GDPD4: variants seen among roughly 807,000 people sequenced by gnomAD.
The protein encoded by GDPD4 is glycerophosphodiester phosphodiesterase domain containing 4.
Under a neutral mutation model 67.8 loss-of-function variants are expected in GDPD4, and 60 were observed. The observed-to-expected ratio is 0.88, with a 90% CI of 0.72 to 1.10. The LOEUF (loss-of-function observed/expected upper bound fraction) is 1.10, where lower values mean the gene tolerates loss of function less well. GDPD4 is among the 50% of genes least tolerant of loss of function. The probability of loss-of-function intolerance (pLI) is 0.00; values close to 1 mark genes in which losing one functional copy is unlikely to be tolerated. For missense variants in GDPD4, 623 were observed against 613.9 expected (o/e 1.01, Z -0.16); for synonymous variants, 212 against 210.9 (o/e 1.00, Z -0.04).
chr11:77,224,512 G>GTGA (rs1958288938), intron 16 of GDPD4, among the ~76,000 whole-genome samples: 1 of 152,180 alleles, frequency 6.6e-6, no homozygotes, highest in South Asian at 2.1e-4. Context: ...CTGCCATGTT[G>GTGA]TGAGGACCAT....
intron 14 of GDPD4, among the ~76,000 whole-genome samples, chr11:77,232,467 C>G (rs12287216): frequency 0.25 from 38,627 of 152,210 alleles, 6,018 homozygotes; most frequent in South Asian, 0.44. Context: ...TAAACCAGGT[C>G]TTCAGGTTCT....
At chr11:77,279,195 T>C in intron 4 of GDPD4, 111 bp downstream of exon 4, 2 of 634,106 alleles carry the variant, frequency 3.2e-6, no homozygotes, top group Non-Finnish European at 5.7e-6. Flanking sequence ...AAGACAAGAG[T>C]GATCTTAGGT....
At chr11:77,290,945 A>G (rs1042672566) in intron 1 of GDPD4, among the ~76,000 whole-genome samples, 1 of 152,226 alleles carries the variant, frequency 6.6e-6, no homozygotes, top group Non-Finnish European at 1.5e-5. Flanking sequence ...TACAGCCCAT[A>G]AAAAACAATA....
At chr11:77,267,383 A>T (rs1959183074) in intron 10 of GDPD4, among the ~76,000 whole-genome samples, 1 of 152,226 alleles carries the variant, frequency 6.6e-6, no homozygotes, top group African/African-American at 2.4e-5. Context: ...TTTTTTAAGT[A>T]ACTGCCAGAC....
intron 16 of GDPD4, among the ~76,000 whole-genome samples, chr11:77,218,406 A>ATACTT (rs767468305): frequency 1.3e-5 from 2 of 152,124 alleles, no homozygotes; most frequent in African/African-American, 4.8e-5. Context: ...TTTTATTATT[A>ATACTT]TACTTTAAGT....
intron 11 of GDPD4, 29 bp from the exon 12 acceptor site, chr11:77,245,531 A>G (rs757199465): frequency 7.2e-6 from 11 of 1,525,672 alleles, no homozygotes; most frequent in Non-Finnish European, 1.0e-5. Flanking sequence ...AAAAATACAT[A>G]AAAGCACTTT....
chr11:77,299,965 G>GA (rs1190684765), intron 1 of GDPD4, among the ~76,000 whole-genome samples: 1 of 152,178 alleles, frequency 6.6e-6, no homozygotes, highest in East Asian at 1.9e-4. Flanking sequence ...TTCATAATGT[G>GA]AAAAAACAAA....
chr11:77,288,947 A>G (rs1792274015), intron 1 of GDPD4, among the ~76,000 whole-genome samples: 1 of 151,876 alleles, frequency 6.6e-6, no homozygotes, highest in Non-Finnish European at 1.5e-5. Flanking sequence ...AGATAATTCA[A>G]TAAGGAGATA....
rs1201792220 is a variant in GDPD4, at chr11:77,216,818, G to T, written c.*459C>A. ...TTAGGCAGAGAGAGGAAGAAGCAGG[G>T]GAGATGTGGCTAATTCTTCTTTGGA... On this transcript the variant is annotated 3_prime_UTR_variant, in exon 17 of 17. Transcript: ENST00000315938. 3.3e-6 allele frequency: 2 copies of T among 610,256 alleles called. No homozygotes were observed. The highest frequency in any genetic ancestry group is 5.9e-6 in the Non-Finnish European group (2 of 341,840). 37.8% of individuals were successfully genotyped at this position (610,256 alleles called of 1,614,324 possible).
At chr11:77,220,369 GAT>G (rs1464624501) in intron 16 of GDPD4, among the ~76,000 whole-genome samples, 1 of 152,158 alleles carries the variant, frequency 6.6e-6, no homozygotes, top group Non-Finnish European at 1.5e-5. Context: ...ATTATTTTGA[GAT>G]ATGTCCCATC....
intron 11 of GDPD4, among the ~76,000 whole-genome samples, chr11:77,252,853 G>A (rs1287137613): frequency 6.6e-6 from 1 of 152,170 alleles, no homozygotes; most frequent in Non-Finnish European, 1.5e-5. Context: ...CAGCAGAGGT[G>A]TATGTTGTTA....
chr11:77,245,519 C>A lies in GDPD4; in HGVS notation c.865-17G>T. The A allele has an allele frequency of 1.3e-6, 2 of 1,571,936 alleles. No individual in the cohort carries two copies. The highest frequency in any genetic ancestry group is 2.2e-5 in the East Asian group (1 of 44,628). ...TGGCCTGAGCTAGAAACAAATACATCAAAAAATACATAAAAGCACTTTCCA... is the reference window on the plus strand; with the variant it reads ...TGGCCTGAGCTAGAAACAAATACATAAAAAAATACATAAAAGCACTTTCCA... On this transcript the variant is annotated splice_polypyrimidine_tract_variant and intron_variant, in intron 11 of 16. Coordinates refer to ENST00000315938, the MANE Select transcript of GDPD4 (RefSeq NM_182833.3).
intron 14 of GDPD4, among the ~76,000 whole-genome samples, chr11:77,229,615 A>G (rs1221755470): frequency 6.6e-6 from 1 of 152,218 alleles, no homozygotes; most frequent in Non-Finnish European, 1.5e-5. Flanking sequence ...CTGGCTGTGC[A>G]GCCAAGTCTC....
At chr11:77,270,372 C>T (rs1959204394) in intron 7 of GDPD4, among the ~76,000 whole-genome samples, 1 of 152,218 alleles carries the variant, frequency 6.6e-6, no homozygotes, top group African/African-American at 2.4e-5. Context: ...CAGGGGACTG[C>T]TTTGAGTTAC....
At chr11:77,272,145 C>A (rs749442036) in intron 5 of GDPD4, among the ~76,000 whole-genome samples, 4 of 152,208 alleles carry the variant, frequency 2.6e-5, no homozygotes, top group Non-Finnish European at 5.9e-5. Context: ...TTTCACAACT[C>A]TTTGCTGACT....
chr11:77,229,831 C>T (rs899960423), intron 14 of GDPD4, among the ~76,000 whole-genome samples: 2 of 152,192 alleles, frequency 1.3e-5, no homozygotes, highest in Non-Finnish European at 2.9e-5. Context: ...CTCTTCTATG[C>T]TCCTTGCCCA....
chr11:77,233,239 C>A, intron 13 of GDPD4, 67 bp from the exon 14 acceptor site: 2 of 1,496,862 alleles, frequency 1.3e-6, no homozygotes, highest in Non-Finnish European at 1.9e-6. Flanking sequence ...AAAAGGAGAA[C>A]AGCCACCATG....
intron 13 of GDPD4, among the ~76,000 whole-genome samples, chr11:77,234,667 G>T (rs543184914): frequency 4.6e-5 from 7 of 152,172 alleles, no homozygotes; most frequent in Non-Finnish European, 1.0e-4. Flanking sequence ...GTGCTGCAAA[G>T]GACATGATTT....
intron 10 of GDPD4, among the ~76,000 whole-genome samples, chr11:77,263,995 T>C (rs1210169741): frequency 6.6e-6 from 1 of 152,182 alleles, no homozygotes; most frequent in African/African-American, 2.4e-5. Flanking sequence ...TTTCTCCTAT[T>C]GGTCCACACG....
Sources: allele counts gnomAD v4.1 joint callset (sites outside exome capture counted in the v4.1 genomes callset), GRCh38; gene constraint gnomAD v4.1.1; transcripts MANE v1.5; gene names NCBI Gene and HGNC (gene_info 2026-07-23, HGNC 2026-07-21).